The following STXBP4 variants were observed in gnomAD, a reference collection of about 807,000 sequenced individuals.
STXBP4 encodes syntaxin-binding protein 4.
In STXBP4, 55 loss-of-function variants were observed where a neutral mutation model predicts 76.1. The ratio of observed to expected loss-of-function variants is 0.72; its 90% CI spans 0.58 to 0.91. The LOEUF (loss-of-function observed/expected upper bound fraction) is 0.91. STXBP4 is among the 40% of genes least tolerant of loss of function. The pLI is 0.00. For missense variants in STXBP4, 618 were observed against 636.9 expected (o/e 0.97, Z 0.32); for synonymous variants, 201 against 220.2 (o/e 0.91, Z 0.77).
At chr17:55,181,687 C>G in the STXBP4 span, among the ~76,000 whole-genome samples, 1 of 152,216 alleles carries the variant, frequency 6.6e-6, no homozygotes, top group East Asian at 1.9e-4. Flanking sequence ...CATTGGAAAG[C>G]TGAAAAGGCA....
intron 11 of STXBP4, chr17:55,044,440 G>T (rs984251404): frequency 1.8e-4 from 28 of 151,822 alleles, no homozygotes; most frequent in African/African-American, 6.5e-4. Flanking sequence ...ACCTCTAGAG[G>T]AAGCCATTGT....
intron 8 of STXBP4, among the ~76,000 whole-genome samples, chr17:55,028,250 A>G (rs1431830631): frequency 1.3e-5 from 2 of 152,306 alleles, no homozygotes; most frequent in African/African-American, 4.8e-5. Flanking sequence ...ATTGTGTTCC[A>G]TAGTGAAAAA....
chr17:55,193,421 A>T, the STXBP4 span, among the ~76,000 whole-genome samples: 1 of 152,186 alleles, frequency 6.6e-6, no homozygotes, highest in Admixed American at 6.5e-5. Context: ...AGAGAGAACA[A>T]CCTACTACAG....
intron 10 of STXBP4, among the ~76,000 whole-genome samples, chr17:55,039,865 T>G (rs1263650670): frequency 2.0e-5 from 3 of 152,108 alleles, no homozygotes; most frequent in Non-Finnish European, 2.9e-5. Flanking sequence ...GATTGTGTTT[T>G]AGAGAGATTT....
the STXBP4 span, among the ~76,000 whole-genome samples, chr17:55,208,938 C>T: frequency 5.9e-5 from 9 of 151,594 alleles, no homozygotes; most frequent in South Asian, 4.2e-4. Context: ...AAAAAATAGC[C>T]GGGCATAGTG....
chr17:55,085,550 T>A (rs2079315124), intron 16 of STXBP4, among the ~76,000 whole-genome samples: 1 of 151,820 alleles, frequency 6.6e-6, no homozygotes, highest in Non-Finnish European at 1.5e-5. Flanking sequence ...CTTCTAACAT[T>A]CCACCATCCC....
intron 12 of STXBP4, among the ~76,000 whole-genome samples, 178 bp from the exon 13 acceptor site, chr17:55,072,722 A>G (rs1340901105): frequency 1.3e-5 from 2 of 152,356 alleles, no homozygotes; most frequent in East Asian, 3.9e-4. Context: ...AAGTAAGATC[A>G]GGCAACTACC....
chr17:55,128,060 T>G (rs1273028006), intron 16 of STXBP4, among the ~76,000 whole-genome samples: 1 of 152,204 alleles, frequency 6.6e-6, no homozygotes, highest in African/African-American at 2.4e-5. Flanking sequence ...CAAATATTTA[T>G]AAGTTCCCCT....
intron 1 of STXBP4, among the ~76,000 whole-genome samples, chr17:54,972,648 C>A (rs2077417190): frequency 6.6e-6 from 1 of 152,106 alleles, no homozygotes; most frequent in African/African-American, 2.4e-5. Context: ...TCCTGACCTG[C>A]CTTGGAATCA....
chr17:55,132,252 TGTGACC>T (rs1186313854), intron 16 of STXBP4, among the ~76,000 whole-genome samples: 1 of 152,174 alleles, frequency 6.6e-6, no homozygotes, highest in Non-Finnish European at 1.5e-5. Context: ...AGTATAGTGG[TGTGACC>T]TCAGCTCACT....
intron 1 of STXBP4, among the ~76,000 whole-genome samples, chr17:54,972,424 T>C (rs2077414182): frequency 1.3e-5 from 2 of 152,366 alleles, no homozygotes; most frequent in South Asian, 4.1e-4. Context: ...GGTAGGGTTT[T>C]CCTTGCTATA....
chr17:55,129,875 G>A lies in STXBP4; in HGVS notation c.1490-11435G>A, dbSNP rs560861322. Reference sequence around the variant, plus strand: ...CTAGGTGCTGCTGTGAAGAGATTTTGCATATGTAATTAGTTAACCTTAAGA... The same window carrying A: ...CTAGGTGCTGCTGTGAAGAGATTTTACATATGTAATTAGTTAACCTTAAGA... On this transcript the variant is annotated intron_variant, in intron 16 of 17. Coordinates refer to ENST00000376352, the MANE Select transcript of STXBP4 (RefSeq NM_178509.6). Among the ~76,000 whole-genome samples the A allele has an allele frequency of 4.6e-5, 7 of 152,258 alleles. No individual in the cohort carries two copies. The East Asian group carries it at 1.4e-3, about 29-fold the overall frequency.
the STXBP4 span, among the ~76,000 whole-genome samples, chr17:55,180,502 AT>A: frequency 6.6e-6 from 1 of 152,150 alleles, no homozygotes. Flanking sequence ...TGCTTTATGT[AT>A]GTATTTAAGA....
intron 16 of STXBP4, among the ~76,000 whole-genome samples, chr17:55,110,833 G>A (rs1279360109): frequency 6.6e-6 from 1 of 152,128 alleles, no homozygotes; most frequent in African/African-American, 2.4e-5. Flanking sequence ...TAAAAGTAAT[G>A]GTAAATAAGT....
chr17:55,158,795 A>G (rs866353875), intron 17 of STXBP4, among the ~76,000 whole-genome samples: 1 of 152,244 alleles, frequency 6.6e-6, no homozygotes, highest in African/African-American at 2.4e-5. Context: ...AAGGAGCTTT[A>G]TATGAAATAG....
chr17:54,994,476 C>A (rs910732411), intron 4 of STXBP4, among the ~76,000 whole-genome samples: 1 of 152,212 alleles, frequency 6.6e-6, no homozygotes, highest in Non-Finnish European at 1.5e-5. Context: ...AATTTAACAG[C>A]TTCCTATTTC....
intron 10 of STXBP4, among the ~76,000 whole-genome samples, chr17:55,041,403 A>G (rs1327632834): frequency 1.3e-5 from 2 of 151,886 alleles, no homozygotes; most frequent in Non-Finnish European, 2.9e-5. Context: ...TTTTTTGTAG[A>G]GACATGGTCT....
chr17:55,183,066 TA>T, the STXBP4 span, among the ~76,000 whole-genome samples: 1 of 152,204 alleles, frequency 6.6e-6, no homozygotes, highest in Non-Finnish European at 1.5e-5. Context: ...TTACATCTCA[TA>T]GAGTTTTAAA....
intron 7 of STXBP4, among the ~76,000 whole-genome samples, chr17:55,001,566 A>G (rs921912017): frequency 1.0e-3 from 152 of 152,306 alleles, no homozygotes; most frequent in African/African-American, 3.6e-3. Flanking sequence ...CTAATTATAT[A>G]TGCCTAATTA....
Sources: allele counts gnomAD v4.1 joint callset (sites outside exome capture counted in the v4.1 genomes callset), GRCh38; gene constraint gnomAD v4.1.1; transcripts MANE v1.5; gene names NCBI Gene and HGNC (gene_info 2026-07-23, HGNC 2026-07-21).